The following TASP1 variants were observed in gnomAD, a reference collection of about 807,000 sequenced individuals.
TASP1 encodes threonine aspartase 1.
A neutral mutation model predicts 56.6 loss-of-function variants in TASP1; 16 were observed. The observed-to-expected ratio is 0.28, with a 90% CI of 0.19 to 0.43. TASP1 has a LOEUF of 0.43. TASP1 is among the 20% of genes least tolerant of loss of function. The probability of loss-of-function intolerance (pLI) is 1.00; values close to 1 mark genes in which losing one functional copy is unlikely to be tolerated. For missense variants in TASP1, 393 were observed against 511.6 expected (o/e 0.77, Z 2.24); for synonymous variants, 179 against 184.2 (o/e 0.97, Z 0.23).
At chr20:13,555,745 T>C (rs566339041) in intron 8 of TASP1, among the ~76,000 whole-genome samples, 57 of 152,348 alleles carry the variant, frequency 3.7e-4, no homozygotes, top group African/African-American at 1.3e-3. Flanking sequence ...GCATCTAGAA[T>C]AGTGAGTCCT....
At chr20:13,314,672 A>G in the TASP1 span, among the ~76,000 whole-genome samples, 2 of 152,182 alleles carry the variant, frequency 1.3e-5, no homozygotes, top group African/African-American at 4.8e-5. Flanking sequence ...TCAGAAACTC[A>G]GATCTTCATA....
the TASP1 span, among the ~76,000 whole-genome samples, chr20:13,333,753 C>T: frequency 1.3e-5 from 2 of 152,168 alleles, no homozygotes; most frequent in African/African-American, 2.4e-5. Context: ...TTTCTTGCTT[C>T]GTTTTTATTA....
chr20:13,130,540 T>C, the TASP1 span, among the ~76,000 whole-genome samples: 20 of 152,238 alleles, frequency 1.3e-4, no homozygotes, highest in Admixed American at 1.2e-3. Context: ...GGTTCAAAGA[T>C]GAAATAGCAG....
At chr20:13,609,403 G>T (rs987749930) in intron 4 of TASP1, among the ~76,000 whole-genome samples, 2 of 152,154 alleles carry the variant, frequency 1.3e-5, no homozygotes, top group Admixed American at 6.5e-5. Flanking sequence ...TTAAACACAG[G>T]CCAAGCGCGG....
chr20:13,520,729 T>C (rs1333118831), intron 10 of TASP1, among the ~76,000 whole-genome samples: 4 of 152,128 alleles, frequency 2.6e-5, no homozygotes, highest in African/African-American at 9.7e-5. Flanking sequence ...ACTTCATGTC[T>C]AAAACACCAA....
At chr20:13,567,700 T>C (rs1404004494) in intron 7 of TASP1, among the ~76,000 whole-genome samples, 1 of 151,924 alleles carries the variant, frequency 6.6e-6, no homozygotes, top group Non-Finnish European at 1.5e-5. Flanking sequence ...GGAAACCAGA[T>C]GATAAGAGAA....
chr20:13,633,537 A>C (rs1199245955), intron 1 of TASP1, among the ~76,000 whole-genome samples: 1 of 152,204 alleles, frequency 6.6e-6, no homozygotes, highest in Non-Finnish European at 1.5e-5. Context: ...TGGGATGCAT[A>C]AGCTACAGGG....
the TASP1 span, among the ~76,000 whole-genome samples, chr20:13,116,590 TTA>T: frequency 6.6e-6 from 1 of 152,242 alleles, no homozygotes; most frequent in African/African-American, 2.4e-5. Flanking sequence ...CTTTGTTAAT[TTA>T]GAGCATTTCT....
the TASP1 span, among the ~76,000 whole-genome samples, chr20:13,315,047 T>C: frequency 6.6e-6 from 1 of 151,900 alleles, no homozygotes; most frequent in African/African-American, 2.4e-5. Context: ...ATAACTAATA[T>C]GCTAATAAAG....
chr20:13,401,200 T>A (rs1210663940), intron 13 of TASP1, among the ~76,000 whole-genome samples: 2 of 152,214 alleles, frequency 1.3e-5, no homozygotes, highest in African/African-American at 4.8e-5. Context: ...TAACATAAAA[T>A]TTTAAATGTT....
At chr20:13,500,267 A>G (rs1463316211) in intron 10 of TASP1, among the ~76,000 whole-genome samples, 2 of 145,350 alleles carry the variant, frequency 1.4e-5, no homozygotes, top group African/African-American at 5.1e-5. Context: ...ATGTGTGTAT[A>G]TATATATATA....
intron 7 of TASP1, among the ~76,000 whole-genome samples, chr20:13,560,291 G>A (rs1288174575): frequency 1.3e-5 from 2 of 152,050 alleles, no homozygotes; most frequent in Non-Finnish European, 2.9e-5. Context: ...CACCTTAAAA[G>A]CATTCAAAAC....
At chr20:13,232,334 C>G in the TASP1 span, among the ~76,000 whole-genome samples, 1 of 152,242 alleles carries the variant, frequency 6.6e-6, no homozygotes, top group East Asian at 1.9e-4. Context: ...CAAGCAACCA[C>G]TGATCTGCCT....
chr20:13,624,344 G>A (rs2048814490), intron 3 of TASP1, among the ~76,000 whole-genome samples: 1 of 151,828 alleles, frequency 6.6e-6, no homozygotes, highest in South Asian at 2.1e-4. Context: ...TGAAAAATAA[G>A]AAAAAATATA....
At chr20:13,492,513 G>C (rs1166399386) in intron 10 of TASP1, among the ~76,000 whole-genome samples, 7 of 152,150 alleles carry the variant, frequency 4.6e-5, no homozygotes, top group Admixed American at 4.6e-4. Flanking sequence ...AAAGTGATAG[G>C]ACACACATGA....
chr20:13,381,035 G>A, the TASP1 span, among the ~76,000 whole-genome samples: 1 of 152,200 alleles, frequency 6.6e-6, no homozygotes, highest in Non-Finnish European at 1.5e-5. Context: ...GATCTGCCGA[G>A]CTAGACCACT....
At chr20:13,317,423 T>C in the TASP1 span, among the ~76,000 whole-genome samples, 393 of 152,150 alleles carry the variant, frequency 2.6e-3, 2 homozygotes, top group African/African-American at 8.7e-3. Context: ...AGTTATTTCA[T>C]AGATATCAAT....
the TASP1 span, chr20:13,117,651 C>G: frequency 2.5e-6 from 4 of 1,614,084 alleles, no homozygotes; most frequent in Non-Finnish European, 3.4e-6. Context: ...ACTAGACCCT[C>G]ATGAAGTTGA....
chr20:13,290,123 A>G, the TASP1 span, among the ~76,000 whole-genome samples: 6 of 152,204 alleles, frequency 3.9e-5, no homozygotes, highest in Non-Finnish European at 8.8e-5. Flanking sequence ...CATGTCAGCC[A>G]TGCAGATGGA....
Sources: gnomAD v4.1 joint callset for allele counts (sites outside exome capture counted in the v4.1 genomes callset) on GRCh38, gnomAD v4.1.1 for gene constraint, MANE v1.5 for transcripts, NCBI Gene and HGNC (gene_info 2026-07-23, HGNC 2026-07-21) for gene names.